BCR: variants seen among roughly 807,000 people sequenced by gnomAD.
The protein encoded by BCR is BCR activator of RhoGEF and GTPase.
BCR carries 58 observed loss-of-function variants against 138.6 expected under a neutral mutation model. The ratio of observed to expected loss-of-function variants is 0.42; its 90% CI spans 0.34 to 0.52. The LOEUF is 0.52. Among genes scored for constraint, BCR ranks in the 20% least tolerant of loss-of-function variants. The pLI is 0.06. For synonymous variants in BCR, 786 were observed against 730.1 expected (o/e 1.08, Z -1.23); for missense variants, 1,599 against 1,727.2 (o/e 0.93, Z 1.32).
intron 1 of BCR, among the ~76,000 whole-genome samples, chr22:23,244,626 A>G (rs1185388804): frequency 6.6e-6 from 1 of 152,184 alleles, no homozygotes; most frequent in Non-Finnish European, 1.5e-5. Context: ...TCCCATGGGC[A>G]GGGGCTGGGT....
chr22:23,238,113 C>T (rs553931853), intron 1 of BCR, among the ~76,000 whole-genome samples: 2 of 152,034 alleles, frequency 1.3e-5, no homozygotes, highest in East Asian at 3.9e-4. Flanking sequence ...AGAGATGAAA[C>T]GAGGAGTTTC....
intron 12 of BCR, among the ~76,000 whole-genome samples, chr22:23,289,010 C>G (rs2073751989): frequency 6.6e-6 from 1 of 152,216 alleles, no homozygotes; most frequent in Admixed American, 6.5e-5. Flanking sequence ...CCGGGCAGCC[C>G]TGCCAGTGCT....
chr22:23,238,600 G>A (rs1282218238), intron 1 of BCR, among the ~76,000 whole-genome samples: 1 of 152,078 alleles, frequency 6.6e-6, no homozygotes, highest in East Asian at 1.9e-4. Flanking sequence ...CCCTTGCAGA[G>A]GCCTGGGGAT....
At chr22:23,198,425 C>G in intron 1 of BCR, 1 of 424,330 alleles carries the variant, frequency 2.4e-6, no homozygotes, top group Non-Finnish European at 4.5e-6. Context: ...GTTGGTGACC[C>G]CCAAAGAGAG....
Position 23,287,292 on chromosome 22 carries a change from G to A in BCR, c.2526+14G>A, listed in dbSNP as rs868138471. The A allele has an allele frequency of 2.6e-6, 4 of 1,526,824 alleles. No homozygotes were observed. Among genetic ancestry groups the A allele is most frequent in the Middle Eastern group, 1.8e-4 (1 of 5,698 alleles). 94.6% of individuals were successfully genotyped at this position (1,526,824 alleles called of 1,614,324 possible). A position where few individuals can be genotyped will look rare whatever the true frequency, so the allele number is the denominator to read the frequency against. ...CGCAACGGCAAGGTGAGCGCCTGCT[G>A]TTCCGGCCCCTCCTGCTCTCCTGGC... On this transcript the variant is annotated intron_variant, in intron 11 of 22. Coordinates refer to ENST00000305877, the MANE Select transcript of BCR (RefSeq NM_004327.4).
intron 2 of BCR, among the ~76,000 whole-genome samples, chr22:23,256,394 G>A (rs970353918): frequency 1.3e-5 from 2 of 152,130 alleles, no homozygotes; most frequent in Non-Finnish European, 2.9e-5. Flanking sequence ...CTTGCCCGGG[G>A]TGCTGTGGGA....
rs1230118461 is a variant in BCR, at chr22:23,273,663, C to T, written c.2004C>T (p.His668=). ...TGCTGAAGCACACTCCTGCCAGCCA[C>T]CCTGACCACCCCTTGCTGCAGGACG... ...HDLLKHTPAS[H]PDHPLLQDAL... is the part of the protein sequence containing the mutation. Residue 668 remains histidine, a synonymous_variant, in exon 8 of 23, where the codon CAC becomes CAT. Coordinates refer to ENST00000305877, the MANE Select transcript of BCR (RefSeq NM_004327.4). 3 of 1,614,058 alleles carry T rather than the reference C, an allele frequency of 1.9e-6. No individual in the cohort carries two copies. Among genetic ancestry groups the T allele is most frequent in the African/African-American group, 2.7e-5 (2 of 75,068 alleles).
At chr22:23,295,365 T>C (rs527564213) in intron 16 of BCR, among the ~76,000 whole-genome samples, 16 of 152,274 alleles carry the variant, frequency 1.1e-4, no homozygotes, top group Admixed American at 2.6e-4. Context: ...TGCGTGTCTG[T>C]TGCGTCGGCT....
In BCR at chr22:23,313,981, G is replaced by T. The variant is rs374074883; in HGVS notation, c.3471G>T (p.Pro1157=). 1.2e-6 allele frequency: 2 copies of T among 1,613,896 alleles called. No homozygotes were observed. ...NFAEGIALSD[P]VAKESCMLNL... ...CGCCTTCTGCAGCTCTTTCAGACCC[G>T]GTTGCAAAGGAGAGCTGCATGCTCA... The change falls in exon 21 of 23, where the codon CCG becomes CCT. Residue 1157 remains proline, a synonymous_variant. Transcript: ENST00000305877.
chr22:23,313,431 T>C (rs757272035), intron 20 of BCR, among the ~76,000 whole-genome samples: 8 of 151,860 alleles, frequency 5.3e-5, no homozygotes, highest in Admixed American at 3.9e-4. Flanking sequence ...TGGGTGCTGG[T>C]GTGTGCAGTA....
intron 16 of BCR, among the ~76,000 whole-genome samples, chr22:23,297,017 G>A (rs776948649): frequency 2.0e-5 from 3 of 151,982 alleles, no homozygotes; most frequent in Non-Finnish European, 4.4e-5. Flanking sequence ...TTTTTTACAC[G>A]TGCTTGCTTT....
intron 2 of BCR, among the ~76,000 whole-genome samples, chr22:23,259,149 G>A (rs1473297996): frequency 6.6e-6 from 1 of 152,254 alleles, no homozygotes; most frequent in Non-Finnish European, 1.5e-5. Flanking sequence ...CATCATCTTT[G>A]GTGTCATGCC....
chr22:23,218,620 C>T (rs1200913039), intron 1 of BCR, among the ~76,000 whole-genome samples: 1 of 152,182 alleles, frequency 6.6e-6, no homozygotes, highest in Non-Finnish European at 1.5e-5. Context: ...AGCTGTGGGA[C>T]TCGTGTGGGG....
intron 1 of BCR, among the ~76,000 whole-genome samples, chr22:23,241,688 C>G (rs1480993473): frequency 6.6e-6 from 1 of 152,188 alleles, no homozygotes; most frequent in East Asian, 1.9e-4. Flanking sequence ...TAGCCAGACC[C>G]AGGCTCACTG....
intron 15 of BCR, among the ~76,000 whole-genome samples, chr22:23,294,382 T>A (rs947468174): frequency 3.3e-5 from 5 of 152,204 alleles, no homozygotes; most frequent in Admixed American, 3.3e-4. Flanking sequence ...CATCGACAGA[T>A]CATTATCTTT....
At chr22:23,281,139 A>G (rs1384996881) in intron 8 of BCR, among the ~76,000 whole-genome samples, 1 of 152,222 alleles carries the variant, frequency 6.6e-6, no homozygotes, top group Non-Finnish European at 1.5e-5. Flanking sequence ...CGCAGAGCAC[A>G]TAGGATCTTC....
intron 8 of BCR, chr22:23,283,152 T>TA (rs1420404738): frequency 6.6e-6 from 1 of 152,250 alleles, no homozygotes; most frequent in Non-Finnish European, 1.5e-5. Flanking sequence ...AGGGGTGACT[T>TA]ACCTAGACAT....
rs569942533 is a variant in BCR, at chr22:23,271,708, C to A, written c.1921+116C>A. 3.8e-5 allele frequency: 37 copies of A among 974,008 alleles called. No homozygotes were observed. The African/African-American group carries it at 4.5e-4, about 12-fold the overall frequency. The allele number at this position is 974,008 out of a possible 1,614,324, so 60.3% of individuals were successfully genotyped here. Reference sequence around the variant, plus strand: ...CACTTGGGTCATCCCTTGGTGCCTTCCCTGTTCTCTCTTCAGATAGAGTGG... The same window carrying A: ...CACTTGGGTCATCCCTTGGTGCCTTACCTGTTCTCTCTTCAGATAGAGTGG... On this transcript the variant is annotated intron_variant, in intron 6 of 22. Transcript: ENST00000305877.
intron 1 of BCR, among the ~76,000 whole-genome samples, chr22:23,213,343 G>A (rs576842851): frequency 6.6e-6 from 1 of 152,192 alleles, no homozygotes; most frequent in African/African-American, 2.4e-5. Flanking sequence ...GTGAGCCTCC[G>A]TGCAGGAGTC....
Sources: allele counts gnomAD v4.1 joint callset (sites outside exome capture counted in the v4.1 genomes callset), GRCh38; gene constraint gnomAD v4.1.1; transcripts MANE v1.5; gene names NCBI Gene and HGNC (gene_info 2026-07-23, HGNC 2026-07-21).